LRRC14: variants seen among roughly 807,000 people sequenced by gnomAD.
LRRC14 encodes leucine-rich repeat-containing protein 14.
LRRC14 carries 16 observed loss-of-function variants against 25.3 expected under a neutral mutation model. The ratio of observed to expected loss-of-function variants is 0.63; its 90% CI spans 0.43 to 0.96. The LOEUF is 0.96. LRRC14 is among the 40% of genes least tolerant of loss of function. The pLI is 0.00. For missense variants in LRRC14, 594 were observed against 660.5 expected (o/e 0.90, Z 1.10); for synonymous variants, 359 against 295.1 (o/e 1.22, Z -2.22).
chr8:144,523,724 CAT>C lies in LRRC14; in HGVS notation c.*2248_*2249del. On this transcript the variant is annotated 3_prime_UTR_variant, in exon 4 of 4. Transcript: ENST00000292524. ...CTGTTTTTAGGAACCTGGGCGTCCA[CAT>C]AGACATCTCACCAGCACTGAAACCT... 2.4e-6 allele frequency: 1 copy of C among 416,518 alleles called. No individual in the cohort carries two copies. 25.8% of individuals were successfully genotyped at this position (416,518 alleles called of 1,614,324 possible).
In LRRC14 at chr8:144,524,734, A is replaced by G; in HGVS notation, c.*3256A>G. ...AGGAACAGTGTCTGCAGGCCGGGGAAAGAGGAGGCGCTTACCCCGTTGCGG... is the reference window on the plus strand; with the variant it reads ...AGGAACAGTGTCTGCAGGCCGGGGAGAGAGGAGGCGCTTACCCCGTTGCGG... On this transcript the variant is annotated 3_prime_UTR_variant, in exon 4 of 4. Transcript: ENST00000292524. 6.9e-7 allele frequency: 1 copy of G among 1,441,848 alleles called. No homozygotes were observed. Among genetic ancestry groups the G allele is most frequent in the Non-Finnish European group, 9.1e-7 (1 of 1,104,504 alleles). The allele number at this position is 1,441,848 out of a possible 1,614,324, so 89.3% of individuals were successfully genotyped here.
In LRRC14 at chr8:144,522,702, G is replaced by A. The variant is rs778200346; in HGVS notation, c.*1224G>A. On this transcript the variant is annotated 3_prime_UTR_variant, in exon 4 of 4. Transcript: ENST00000292524. ...TTGACGAACAGCGCTCCCTCCCCCG[G>A]AGGCCCCCGCGCCTTTTTTCGCCTG... is the stretch of plus-strand genomic sequence containing the variant. 35 of 1,596,568 alleles carry A rather than the reference G, an allele frequency of 2.2e-5. No homozygotes were observed. The highest frequency in any genetic ancestry group is 3.0e-5 in the Non-Finnish European group (35 of 1,172,748).
At position 144,521,096 on chromosome 8, in the gene LRRC14, T is replaced by G; in HGVS notation, c.1100T>G (p.Leu367Arg). The change falls in exon 4 of 4, where the codon CTG (leucine) becomes CGG (arginine). Residue 367 changes from leucine to arginine, a missense_variant. Leu to Arg is a moderately radical substitution (Grantham distance 102). Coordinates refer to ENST00000292524, the MANE Select transcript of LRRC14 (RefSeq NM_014665.4). Reference protein sequence around the residue: ...QGLLQASAATLLHLELTECQL... With the variant: ...QGLLQASAATRLHLELTECQL... ...CTGTTGCAGGCATCAGCAGCCACAC[T>G]GTTGCATCTGGAGCTGACTGAGTGT... The G allele has an allele frequency of 6.2e-7, 1 of 1,613,110 alleles. No homozygotes were observed. The highest frequency in any genetic ancestry group is 8.5e-7 in the Non-Finnish European group (1 of 1,180,038).
At position 144,519,408 on chromosome 8, in the gene LRRC14, A is replaced by G. The variant is rs939766473; in HGVS notation, c.-111-207A>G. The G allele has an allele frequency of 4.9e-5, 23 of 466,268 alleles. No homozygotes were observed. In the East Asian group the frequency reaches 6.7e-4, roughly 14 times the overall value. The allele number at this position is 466,268 out of a possible 1,614,324, so 28.9% of individuals were successfully genotyped here. ...TGGGGGGCCCTGCAAGGCAACAGGCATCTGTCAAAAGCATACCCAAGCAAG... is the reference window on the plus strand; with the variant it reads ...TGGGGGGCCCTGCAAGGCAACAGGCGTCTGTCAAAAGCATACCCAAGCAAG... On this transcript the variant is annotated intron_variant, in intron 1 of 3. Coordinates refer to ENST00000292524, the MANE Select transcript of LRRC14 (RefSeq NM_014665.4).
At position 144,522,366 on chromosome 8, in the gene LRRC14, C is replaced by T. The variant is rs547105709; in HGVS notation, c.*888C>T. ...GAGTGCAACGTTCCCGGCTCGCGCC[C>T]CACACACGGCTCAGCGCACACTGCG... On this transcript the variant is annotated 3_prime_UTR_variant, in exon 4 of 4. Transcript: ENST00000292524. 1.3e-4 allele frequency: 174 copies of T among 1,328,052 alleles called. No homozygotes were observed. The South Asian group carries it at 3.1e-3, about 24-fold the overall frequency. 82.3% of individuals were successfully genotyped at this position (1,328,052 alleles called of 1,614,324 possible).
rs1816091095 is a variant in LRRC14 at position 144,521,912 on chromosome 8, T to TCCC, written c.*436_*438dup. ...AGGCCTGCTTCAGGGAAGCTGGGAG[T>TCCC]CCCCAGGCACTCACGCCTCTTACGT... On this transcript the variant is annotated 3_prime_UTR_variant, in exon 4 of 4. Transcript: ENST00000292524. 5.3e-6 allele frequency: 1 copy of TCCC among 187,216 alleles called. No homozygotes were observed. Among genetic ancestry groups the TCCC allele is most frequent in the African/African-American group, 2.4e-5 (1 of 42,160 alleles). 11.6% of individuals were successfully genotyped at this position (187,216 alleles called of 1,614,324 possible). A position where few individuals can be genotyped will look rare whatever the true frequency, so the allele number is the denominator to read the frequency against.
At position 144,523,646 on chromosome 8, in the gene LRRC14, C is replaced by A; in HGVS notation, c.*2168C>A. On this transcript the variant is annotated 3_prime_UTR_variant, in exon 4 of 4. Transcript: ENST00000292524. ...GCCTGCCTGTTACAGATCACTTCTCCGTCGGTCTCTGAGAAAGCACCTGCT... is the reference window on the plus strand; with the variant it reads ...GCCTGCCTGTTACAGATCACTTCTCAGTCGGTCTCTGAGAAAGCACCTGCT... 1.9e-6 allele frequency: 1 copy of A among 524,776 alleles called. No individual in the cohort carries two copies. 32.5% of individuals were successfully genotyped at this position (524,776 alleles called of 1,614,324 possible).
Position 144,524,296 on chromosome 8 carries a change from G to A in LRRC14, c.*2818G>A, listed in dbSNP as rs905308126. On this transcript the variant is annotated 3_prime_UTR_variant, in exon 4 of 4. Transcript: ENST00000292524. Reference sequence around the variant, plus strand: ...TGCAGTCGCTGAAGTAAGGACAGCAGATCGTGAGGAAAAAGGGCGCCGAGG... The same window carrying A: ...TGCAGTCGCTGAAGTAAGGACAGCAAATCGTGAGGAAAAAGGGCGCCGAGG... The A allele has an allele frequency of 3.1e-6, 5 of 1,609,458 alleles. No homozygotes were observed. The highest frequency in any genetic ancestry group is 3.3e-5 in the Admixed American group (2 of 59,974).
At position 144,522,355 on chromosome 8, in the gene LRRC14, C is replaced by G. The variant is rs983181591; in HGVS notation, c.*877C>G. 14 of 1,317,284 alleles carry G rather than the reference C, an allele frequency of 1.1e-5. No individual in the cohort carries two copies. Among genetic ancestry groups the G allele is most frequent in the Non-Finnish European group, 1.3e-5 (13 of 1,032,998 alleles). 81.6% of individuals were successfully genotyped at this position (1,317,284 alleles called of 1,614,324 possible). On this transcript the variant is annotated 3_prime_UTR_variant, in exon 4 of 4. Transcript: ENST00000292524. ...CCAGGATTCCCGAGTGCAACGTTCCCGGCTCGCGCCCCACACACGGCTCAG... is the reference window on the plus strand; with the variant it reads ...CCAGGATTCCCGAGTGCAACGTTCCGGGCTCGCGCCCCACACACGGCTCAG...
At position 144,520,074 on chromosome 8, in the gene LRRC14, G is replaced by A. The variant is rs1054466558; in HGVS notation, c.329+20G>A. ...CTGCAGGTATGGACTTATCTGGAGG[G>A]TCGTCAGGCCAGGGGTGTGTAAGTG... On this transcript the variant is annotated intron_variant, in intron 2 of 3. Transcript: ENST00000292524. 2 of 1,592,656 alleles carry A rather than the reference G, an allele frequency of 1.3e-6. No homozygotes were observed.
Position 144,525,009 on chromosome 8 carries a change from G to T in LRRC14, c.*3531G>T, listed in dbSNP as rs1010922531. ...CCCGGTTCCTCACCGGCCCTTCCGC[G>T]GTTCAGCCGCAGACGCGTGCCCTCC... On this transcript the variant is annotated 3_prime_UTR_variant, in exon 4 of 4. Transcript: ENST00000292524. 2.1e-6 allele frequency: 3 copies of T among 1,412,416 alleles called. No homozygotes were observed. The highest frequency in any genetic ancestry group is 2.8e-6 in the Non-Finnish European group (3 of 1,086,346). 87.5% of individuals were successfully genotyped at this position (1,412,416 alleles called of 1,614,324 possible).
chr8:144,520,548 C>T lies in LRRC14; in HGVS notation c.640C>T (p.Leu214=), dbSNP rs1392914630. ...GCCCATGCGCAACACTGTGGCCCTG[C>T]TGCAGCTTCTGGATGCAGGCTGCCT... is the stretch of plus-strand genomic sequence containing the variant. ...DLPMRNTVAL[L]QLLDAGCLRR... is the part of the protein sequence containing the mutation. The change falls in exon 3 of 4, where the codon CTG becomes TTG. Residue 214 remains leucine, a synonymous_variant. Transcript: ENST00000292524. The T allele has an allele frequency of 4.4e-6, 7 of 1,600,022 alleles. No individual in the cohort carries two copies. The East Asian group carries it at 6.7e-5, about 15-fold the overall frequency.
At chr8:144,520,087 G>A (rs1485110327) in intron 2 of LRRC14, 33 bp downstream of exon 2, 2 of 1,587,740 alleles carry the variant, frequency 1.3e-6, no homozygotes, top group East Asian at 2.2e-5. Context: ...GTCAGGCCAG[G>A]GGTGTGTAAG....
In LRRC14 at chr8:144,524,621, C is replaced by G; in HGVS notation, c.*3143C>G. The stretch of plus-strand genomic sequence containing the variant: ...GGAAGGCGCCGGCCTCCAGGGCGCG[C>G]AGGCTGTTGTTGTGCAGGTAGAGCC... On this transcript the variant is annotated 3_prime_UTR_variant, in exon 4 of 4. Transcript: ENST00000292524. 3.3e-6 allele frequency: 5 copies of G among 1,523,722 alleles called. No homozygotes were observed. The highest frequency in any genetic ancestry group is 2.8e-5 in the African/African-American group (2 of 71,514). 94.4% of individuals were successfully genotyped at this position (1,523,722 alleles called of 1,614,324 possible).
intron 1 of LRRC14, among the ~76,000 whole-genome samples, chr8:144,519,102 G>A (rs1202191660): frequency 6.6e-6 from 1 of 152,186 alleles, no homozygotes; most frequent in Admixed American, 6.5e-5. Context: ...ACATCATCTG[G>A]ACTCGGTGTT....
Position 144,521,500 on chromosome 8 carries a change from A to G in LRRC14, c.*22A>G, listed in dbSNP as rs1816055183. The stretch of plus-strand genomic sequence containing the variant: ...ATGATGAAGTAGCTCTGGGTGAGAC[A>G]CAGGCCGCCCTGCAGTCTCTTTAGG... On this transcript the variant is annotated 3_prime_UTR_variant, in exon 4 of 4. Coordinates refer to ENST00000292524, the MANE Select transcript of LRRC14 (RefSeq NM_014665.4). The G allele has an allele frequency of 6.3e-7, 1 of 1,581,162 alleles. No individual in the cohort carries two copies.
In LRRC14 at chr8:144,523,999, C is replaced by G; in HGVS notation, c.*2521C>G. ...AGTGTGGCTGCAGGCGGTGGTGCAGCCTTCCAGACTGCTGCCCAGTTGCCT... is the reference window on the plus strand; with the variant it reads ...AGTGTGGCTGCAGGCGGTGGTGCAGGCTTCCAGACTGCTGCCCAGTTGCCT... On this transcript the variant is annotated 3_prime_UTR_variant, in exon 4 of 4. Transcript: ENST00000292524. The G allele has an allele frequency of 7.7e-7, 1 of 1,297,340 alleles. No individual in the cohort carries two copies. The highest frequency in any genetic ancestry group is 1.1e-6 in the Non-Finnish European group (1 of 939,050). The allele number at this position is 1,297,340 out of a possible 1,614,324, so 80.4% of individuals were successfully genotyped here.
At position 144,520,894 on chromosome 8, in the gene LRRC14, C is replaced by T. The variant is rs1362165002; in HGVS notation, c.915-17C>T. The T allele has an allele frequency of 1.4e-5, 22 of 1,601,302 alleles. No homozygotes were observed. Among genetic ancestry groups the T allele is most frequent in the East Asian group, 2.2e-5 (1 of 44,742 alleles). On this transcript the variant is annotated splice_polypyrimidine_tract_variant and intron_variant, in intron 3 of 3. Transcript: ENST00000292524. ...CTCCCTGGCTCTGCCTGTCTGTGACCCCTGTGTCCCCTGTAGCACCCTGCA... is the reference window on the plus strand; with the variant it reads ...CTCCCTGGCTCTGCCTGTCTGTGACTCCTGTGTCCCCTGTAGCACCCTGCA...
At position 144,521,129 on chromosome 8, in the gene LRRC14, C is replaced by A. The variant is rs1422530494; in HGVS notation, c.1133C>A (p.Ala378Glu). 1 of 1,613,058 alleles carries A rather than the reference C, an allele frequency of 6.2e-7. No individual in the cohort carries two copies. The highest frequency in any genetic ancestry group is 1.1e-5 in the South Asian group (1 of 91,090). ...CTGGAGCTGACTGAGTGTCAGCTCG[C>A]AGACACCCAGCTGTTGGCCACACTA... is the stretch of plus-strand genomic sequence containing the variant. ...LHLELTECQLADTQLLATLPI... is the reference protein window; with the variant it reads ...LHLELTECQLEDTQLLATLPI... The change falls in exon 4 of 4, where the codon GCA becomes GAA. Residue 378 changes from alanine (A) to glutamate (E), a missense_variant. By Grantham distance (107) the Ala-to-Glu change is moderately radical. Transcript: ENST00000292524.
Sources: gnomAD v4.1 joint callset for allele counts (sites outside exome capture counted in the v4.1 genomes callset) on GRCh38, gnomAD v4.1.1 for gene constraint, MANE v1.5 for transcripts, NCBI Gene and HGNC (gene_info 2026-07-23, HGNC 2026-07-21) for gene names.